FRK: variants seen among roughly 807,000 people sequenced by gnomAD.
FRK encodes the protein fyn related Src family tyrosine kinase.
In FRK, 51 loss-of-function variants were observed where a neutral mutation model predicts 56.4. That is an observed-to-expected ratio of 0.90 (90% CI 0.72 to 1.14). The LOEUF (loss-of-function observed/expected upper bound fraction) is 1.14. Ranked by LOEUF, FRK falls within the 50% of genes most tolerant of loss-of-function variation. The probability of loss-of-function intolerance (pLI) is 0.00; values close to 1 mark genes in which losing one functional copy is unlikely to be tolerated. For missense variants in FRK, 570 were observed against 601.4 expected (o/e 0.95, Z 0.55); for synonymous variants, 245 against 217.9 (o/e 1.12, Z -1.10).
chr6:116,067,038 T>G, the FRK span, among the ~76,000 whole-genome samples: 1 of 152,096 alleles, frequency 6.6e-6, no homozygotes, highest in Non-Finnish European at 1.5e-5. Flanking sequence ...TTAAAATGAA[T>G]TCATCAGGGT....
At chr6:116,066,393 T>C in the FRK span, among the ~76,000 whole-genome samples, 1 of 152,056 alleles carries the variant, frequency 6.6e-6, no homozygotes, top group African/African-American at 2.4e-5. Flanking sequence ...CTTGTGATCA[T>C]GTAAGTTAAT....
chr6:116,013,122 A>G (rs1274186972), intron 1 of FRK, among the ~76,000 whole-genome samples: 1 of 152,072 alleles, frequency 6.6e-6, no homozygotes, highest in Non-Finnish European at 1.5e-5. Flanking sequence ...ATTTTGAAGG[A>G]ATTTCTTTAG....
chr6:116,010,517 T>C (rs1775422650), intron 1 of FRK, among the ~76,000 whole-genome samples: 1 of 152,070 alleles, frequency 6.6e-6, no homozygotes, highest in African/African-American at 2.4e-5. Context: ...ATAAAACAAG[T>C]GATTATGAAT....
intron 1 of FRK, among the ~76,000 whole-genome samples, chr6:116,043,054 G>A (rs898116569): frequency 6.6e-6 from 1 of 152,160 alleles, no homozygotes; most frequent in African/African-American, 2.4e-5. Context: ...AAATATGTAT[G>A]CACCCAATAT....
intron 2 of FRK, among the ~76,000 whole-genome samples, chr6:115,970,330 C>T (rs773377535): frequency 1.3e-5 from 2 of 152,114 alleles, no homozygotes; most frequent in Non-Finnish European, 2.9e-5. Flanking sequence ...CACTCCTAAG[C>T]ATAAAATCAA....
chr6:116,000,875 C>A (rs1329423958), intron 2 of FRK, among the ~76,000 whole-genome samples: 1 of 152,148 alleles, frequency 6.6e-6, no homozygotes, highest in African/African-American at 2.4e-5. Context: ...CATGCAACTT[C>A]TAAAAGTAAT....
chr6:115,973,181 T>G (rs958405643), intron 2 of FRK, among the ~76,000 whole-genome samples: 2 of 152,228 alleles, frequency 1.3e-5, no homozygotes, highest in African/African-American at 4.8e-5. Context: ...TGGCTATGAC[T>G]CTTAGGCCAG....
chr6:115,947,688 CA>C lies in FRK; in HGVS notation c.959-3264del, dbSNP rs563468944. Among the ~76,000 whole-genome samples the C allele has an allele frequency of 2.0e-3, 297 of 150,140 alleles. 11 individuals carry two copies. In the South Asian group the frequency reaches 0.036, roughly 18 times the overall value. ...CCTAGCAGAGCAGTCTGGCCCATAT[CA>C]AAAAAAAAGTCTATTGTTTTGTATT... On this transcript the variant is annotated intron_variant, in intron 5 of 7. Coordinates refer to ENST00000606080, the MANE Select transcript of FRK (RefSeq NM_002031.3).
chr6:115,951,429 T>C (rs547003762), intron 5 of FRK, among the ~76,000 whole-genome samples: 1 of 152,254 alleles, frequency 6.6e-6, no homozygotes, highest in South Asian at 2.1e-4. Flanking sequence ...GGTAACAAGT[T>C]GTGTGACCTA....
At chr6:116,001,398 G>T (rs1775061475) in intron 2 of FRK, among the ~76,000 whole-genome samples, 1 of 151,988 alleles carries the variant, frequency 6.6e-6, no homozygotes, top group Admixed American at 6.6e-5. Flanking sequence ...ATTAACAAAA[G>T]TTAACCTGAA....
the FRK span, among the ~76,000 whole-genome samples, chr6:116,077,159 A>G: frequency 6.6e-5 from 10 of 152,368 alleles, no homozygotes; most frequent in South Asian, 1.9e-3. Flanking sequence ...TTTTACCTGT[A>G]ATGTAGTTAC....
At chr6:115,973,983 T>C (rs967686289) in intron 2 of FRK, among the ~76,000 whole-genome samples, 6 of 152,146 alleles carry the variant, frequency 3.9e-5, no homozygotes, top group African/African-American at 7.2e-5. Flanking sequence ...GAAGGATATC[T>C]AAATATAAAA....
intron 1 of FRK, among the ~76,000 whole-genome samples, chr6:116,058,192 G>A (rs1160205152): frequency 1.3e-5 from 2 of 152,012 alleles, no homozygotes; most frequent in Admixed American, 1.3e-4. Flanking sequence ...TGCCATACAG[G>A]ACATAGAAAT....
At chr6:116,053,915 C>A (rs1164870678) in intron 1 of FRK, among the ~76,000 whole-genome samples, 1 of 152,026 alleles carries the variant, frequency 6.6e-6, no homozygotes, top group African/African-American at 2.4e-5. Context: ...TGTAATCAAG[C>A]TTTACTGCTA....
At chr6:116,009,982 C>T (rs533839683) in intron 1 of FRK, among the ~76,000 whole-genome samples, 1 of 152,242 alleles carries the variant, frequency 6.6e-6, no homozygotes, top group Non-Finnish European at 1.5e-5. Context: ...AATCCCAGCA[C>T]TTTGGGAGGC....
intron 1 of FRK, among the ~76,000 whole-genome samples, chr6:116,048,790 C>T (rs1000394957): frequency 6.6e-6 from 1 of 152,138 alleles, no homozygotes; most frequent in Non-Finnish European, 1.5e-5. Context: ...TATGAATTTA[C>T]TTAAATTTTA....
At chr6:116,010,323 C>T (rs1235099733) in intron 1 of FRK, among the ~76,000 whole-genome samples, 1 of 152,036 alleles carries the variant, frequency 6.6e-6, no homozygotes, top group Admixed American at 6.5e-5. Flanking sequence ...ACTCTGCATT[C>T]TTCTCTATAA....
chr6:116,017,576 C>A (rs1240666106), intron 1 of FRK, among the ~76,000 whole-genome samples: 2 of 152,122 alleles, frequency 1.3e-5, no homozygotes, highest in African/African-American at 4.8e-5. Flanking sequence ...CGAGGTTTTT[C>A]TTTTATCACT....
Position 115,942,432 on chromosome 6 carries a change from T to G in FRK, c.1500A>C (p.Ala500=). 2 of 1,612,848 alleles carry G rather than the reference T, an allele frequency of 1.2e-6. No individual in the cohort carries two copies. Among genetic ancestry groups the G allele is most frequent in the Non-Finnish European group, 1.7e-6 (2 of 1,178,974 alleles). Residue 500 remains alanine (A), a synonymous_variant, in exon 8 of 8, where the codon GCA becomes GCC. Transcript: ENST00000606080. ...CCAGTGTTCATCTTATGAAGTTATT[T>G]GCATCTGAATATGAAGAGTCTGTTT... ...YFETDSSYSD[A]NNFIR
Sources: allele counts gnomAD v4.1 joint callset (sites outside exome capture counted in the v4.1 genomes callset), GRCh38; gene constraint gnomAD v4.1.1; transcripts MANE v1.5; gene names NCBI Gene and HGNC (gene_info 2026-07-23, HGNC 2026-07-21).